ANKRD30B: variants seen among roughly 807,000 people sequenced by gnomAD.
ANKRD30B encodes the protein ankyrin repeat domain 30B, also known as ankyrin repeat domain-containing protein 30B.
In ANKRD30B, 144 loss-of-function variants were observed where a neutral mutation model predicts 202.2. The ratio of observed to expected loss-of-function variants is 0.71; its 90% CI spans 0.62 to 0.82. The LOEUF is 0.82. ANKRD30B is among the 40% of genes least tolerant of loss of function. The pLI, the probability that ANKRD30B is intolerant of heterozygous loss-of-function variation, is 0.00. For missense variants in ANKRD30B, 1,487 were observed against 1,669.1 expected (o/e 0.89, Z 1.90); for synonymous variants, 508 against 561.3 (o/e 0.91, Z 1.34).
At chr18:14,916,385 T>G in the ANKRD30B span, among the ~76,000 whole-genome samples, 4 of 152,232 alleles carry the variant, frequency 2.6e-5, no homozygotes, top group African/African-American at 7.2e-5. Context: ...TACCAAGTAC[T>G]GAGCCTTGAG....
intron 36 of ANKRD30B, 97 bp from the exon 37 acceptor site, chr18:14,840,491 A>G: frequency 2.1e-6 from 1 of 485,346 alleles, no homozygotes; most frequent in Non-Finnish European, 3.2e-6. Flanking sequence ...ATGAGCCAAG[A>G]TCATGCCACT....
chr18:14,872,233 T>G, the ANKRD30B span, among the ~76,000 whole-genome samples: 1 of 152,318 alleles, frequency 6.6e-6, no homozygotes, highest in East Asian at 1.9e-4. Context: ...GAAATATTTC[T>G]ATTCTCACAA....
chr18:14,765,646 A>G (rs564679203), intron 7 of ANKRD30B, among the ~76,000 whole-genome samples: 2 of 152,282 alleles, frequency 1.3e-5, no homozygotes, highest in East Asian at 3.9e-4. Context: ...TTGGCCTGTG[A>G]TACACAGTTT....
chr18:14,824,867 A>G (rs771679196), intron 32 of ANKRD30B, among the ~76,000 whole-genome samples: 18 of 152,198 alleles, frequency 1.2e-4, no homozygotes, highest in Non-Finnish European at 2.2e-4. Context: ...CATAGATAAC[A>G]TGTGAAGAAA....
chr18:14,768,685 G>A (rs912073130), intron 7 of ANKRD30B, among the ~76,000 whole-genome samples: 2 of 152,158 alleles, frequency 1.3e-5, no homozygotes, highest in Admixed American at 6.5e-5. Context: ...AGAGCAGAGG[G>A]AAATCATGTT....
chr18:14,793,492 G>A (rs1968663864), intron 16 of ANKRD30B, among the ~76,000 whole-genome samples: 1 of 151,332 alleles, frequency 6.6e-6, no homozygotes, highest in African/African-American at 2.4e-5. Context: ...TATACATATT[G>A]GCATTAACAT....
At chr18:14,748,892 T>C (rs1310462348) in intron 1 of ANKRD30B, among the ~76,000 whole-genome samples, 2 of 152,212 alleles carry the variant, frequency 1.3e-5, no homozygotes, top group Non-Finnish European at 2.9e-5. Flanking sequence ...TTTAGCTGCT[T>C]TCTCCTTCAC....
chr18:14,879,718 G>A, the ANKRD30B span, among the ~76,000 whole-genome samples: 11 of 151,384 alleles, frequency 7.3e-5, no homozygotes, highest in Admixed American at 5.9e-4. Flanking sequence ...TGGGGTTAGG[G>A]GTTAGGGTTA....
At chr18:14,874,817 T>C in the ANKRD30B span, among the ~76,000 whole-genome samples, 1 of 152,200 alleles carries the variant, frequency 6.6e-6, no homozygotes, top group Non-Finnish European at 1.5e-5. Context: ...GAAGATAGTA[T>C]AGTTTGATTC....
the ANKRD30B span, among the ~76,000 whole-genome samples, chr18:14,936,941 A>G: frequency 6.6e-6 from 1 of 152,164 alleles, no homozygotes; most frequent in Non-Finnish European, 1.5e-5. Context: ...CTCTTTGCAC[A>G]CTTTCTACCT....
intron 15 of ANKRD30B, among the ~76,000 whole-genome samples, chr18:14,790,134 T>A (rs1968369326): frequency 6.6e-6 from 1 of 152,178 alleles, no homozygotes; most frequent in Admixed American, 6.5e-5. Flanking sequence ...TCCTAGATAT[T>A]TCATTCTCTT....
chr18:14,829,561 A>G lies in ANKRD30B; in HGVS notation c.2774+1253A>G, dbSNP rs1423795689. ...GATTGGTAGGAGTAAGGGTTTTACC[A>G]AAGAGATCAGAATATTGGATCTTAT... is the stretch of plus-strand genomic sequence containing the variant. On this transcript the variant is annotated intron_variant, in intron 33 of 43. Coordinates refer to ENST00000690538, the MANE Select transcript of ANKRD30B (RefSeq NM_001367607.2). 2.0e-5 allele frequency among the ~76,000 whole-genome samples: 3 copies of G among 152,334 alleles called. No homozygotes were observed. The East Asian group carries it at 5.8e-4, about 29-fold the overall frequency.
At chr18:14,811,292 A>C (rs1348093576) in intron 28 of ANKRD30B, among the ~76,000 whole-genome samples, 1 of 151,080 alleles carries the variant, frequency 6.6e-6, no homozygotes, top group Admixed American at 6.6e-5. Context: ...GCGCACTGCA[A>C]GCTCCACCTC....
chr18:14,899,879 G>A, the ANKRD30B span, among the ~76,000 whole-genome samples: 2 of 152,096 alleles, frequency 1.3e-5, no homozygotes, highest in African/African-American at 4.8e-5. Context: ...AGCAGCATAT[G>A]ACAATGAATG....
At chr18:14,789,439 G>T (rs1292006140) in intron 15 of ANKRD30B, among the ~76,000 whole-genome samples, 1 of 152,014 alleles carries the variant, frequency 6.6e-6, no homozygotes, top group Non-Finnish European at 1.5e-5. Context: ...CATTGCTTTT[G>T]GTGTTTTAGA....
the ANKRD30B span, among the ~76,000 whole-genome samples, chr18:14,910,484 A>AAT: frequency 0.045 from 6,670 of 147,570 alleles, 342 homozygotes; most frequent in Admixed American, 0.11. Context: ...ACAATGTAAA[A>AAT]ATATATATAT....
intron 18 of ANKRD30B, 97 bp downstream of exon 18, chr18:14,796,512 A>T (rs1968907421): frequency 1.4e-6 from 2 of 1,385,408 alleles, no homozygotes; most frequent in Non-Finnish European, 9.6e-7. Flanking sequence ...TTCTTTTGAA[A>T]ATTTGGTGGG....
chr18:14,861,372 A>C, the ANKRD30B span, among the ~76,000 whole-genome samples: 1 of 152,132 alleles, frequency 6.6e-6, no homozygotes, highest in Non-Finnish European at 1.5e-5. Context: ...TGCCTTTGAG[A>C]GACCCATCTC....
chr18:14,924,243 A>G, the ANKRD30B span, among the ~76,000 whole-genome samples: 1 of 152,244 alleles, frequency 6.6e-6, no homozygotes, highest in Non-Finnish European at 1.5e-5. Context: ...AGAAAACTCA[A>G]TAATATCCAA....
Sources: gnomAD v4.1 joint callset for allele counts (sites outside exome capture counted in the v4.1 genomes callset) on GRCh38, gnomAD v4.1.1 for gene constraint, MANE v1.5 for transcripts, NCBI Gene and HGNC (gene_info 2026-07-23, HGNC 2026-07-21) for gene names.